The following YAP1 variants were observed in gnomAD, a reference collection of about 807,000 sequenced individuals.
YAP1 encodes Yes1 associated transcriptional regulator, also known as transcriptional coactivator YAP1.
In YAP1, 5 loss-of-function variants were observed where a neutral mutation model predicts 56.9. The observed-to-expected ratio is 0.09, with a 90% confidence interval of 0.05 to 0.18. The LOEUF (loss-of-function observed/expected upper bound fraction) is 0.18. Ranked by LOEUF, YAP1 falls within the 10% of genes least tolerant of loss-of-function variation. The probability of loss-of-function intolerance (pLI) is 1.00; values close to 1 mark genes in which losing one functional copy is unlikely to be tolerated. For synonymous variants in YAP1, 265 were observed against 248.1 expected, an observed-to-expected ratio of 1.07 and a Z score of -0.64; for missense variants, 539 against 651.8, an observed-to-expected ratio of 0.83 and a Z score of 1.88.
chr11:102,132,723 A>G (rs1025140694), intron 2 of YAP1, among the ~76,000 whole-genome samples: 7 of 152,248 alleles, frequency 4.6e-5, no homozygotes, highest in Non-Finnish European at 7.3e-5. Flanking sequence ...TTGTTTACCA[A>G]TAAATTTATT....
At chr11:102,132,991 C>T (rs1235581985) in intron 2 of YAP1, among the ~76,000 whole-genome samples, 1 of 151,974 alleles carries the variant, frequency 6.6e-6, no homozygotes, top group Non-Finnish European at 1.5e-5. Context: ...AACCCCGTCT[C>T]TACTAAAAAT....
chr11:102,222,219 A>G (rs1267443681), intron 6 of YAP1, among the ~76,000 whole-genome samples: 2 of 152,174 alleles, frequency 1.3e-5, no homozygotes, highest in African/African-American at 4.8e-5. Context: ...TGGCTCAGAA[A>G]GCTGTGTGGA....
chr11:102,223,253 CAAAAAAA>C (rs1013718662), intron 6 of YAP1, among the ~76,000 whole-genome samples: 8 of 52,418 alleles, frequency 1.5e-4, no homozygotes, highest in African/African-American at 5.3e-4. Flanking sequence ...TCTTGAAGAA[CAAAAAAA>C]AAAAAAAAAA....
chr11:102,146,777 T>G (rs1945345240), intron 2 of YAP1, among the ~76,000 whole-genome samples: 2 of 152,220 alleles, frequency 1.3e-5, no homozygotes, highest in South Asian at 4.1e-4. Flanking sequence ...AGAATTGAGA[T>G]TCTGTGCTTG....
At chr11:102,124,331 T>C (rs144778691) in intron 2 of YAP1, among the ~76,000 whole-genome samples, 141 of 152,284 alleles carry the variant, frequency 9.3e-4, no homozygotes, top group African/African-American at 3.2e-3. Flanking sequence ...TTCTTTATAT[T>C]GGGGGTCTGA....
chr11:102,114,482 A>G, intron 2 of YAP1, 88 bp downstream of exon 2: 1 of 1,420,536 alleles, frequency 7.0e-7, no homozygotes, highest in Non-Finnish European at 9.4e-7. Flanking sequence ...ACAGAATATC[A>G]TTTATTTTTA....
intron 3 of YAP1, among the ~76,000 whole-genome samples, chr11:102,178,830 C>T (rs1312322310): frequency 6.6e-6 from 1 of 152,146 alleles, no homozygotes; most frequent in Non-Finnish European, 1.5e-5. Flanking sequence ...GTTCTGCAGG[C>T]TGTACAGGAA....
At chr11:102,142,005 C>CTA (rs1014726266) in intron 2 of YAP1, among the ~76,000 whole-genome samples, 21 of 152,110 alleles carry the variant, frequency 1.4e-4, no homozygotes, top group African/African-American at 4.3e-4. Context: ...ATTCTCAAGT[C>CTA]TATATATATT....
intron 2 of YAP1, among the ~76,000 whole-genome samples, chr11:102,123,647 T>TTTTTTC (rs1943831031): frequency 5.6e-5 from 7 of 125,330 alleles, no homozygotes; most frequent in East Asian, 4.5e-4. Context: ...TTTTTTTTTC[T>TTTTTTC]TTTTTTTTTC....
At chr11:102,187,384 G>T (rs1948026837) in intron 4 of YAP1, among the ~76,000 whole-genome samples, 1 of 152,042 alleles carries the variant, frequency 6.6e-6, no homozygotes, top group African/African-American at 2.4e-5. Flanking sequence ...AAAGTAATGA[G>T]GTATGTTAAT....
intron 5 of YAP1, 136 bp from the exon 6 acceptor site, chr11:102,209,381 G>C: frequency 1.3e-6 from 1 of 769,784 alleles, no homozygotes; most frequent in Non-Finnish European, 2.1e-6. Flanking sequence ...TCCTGTCTTC[G>C]TCAGTCTGCT....
intron 2 of YAP1, among the ~76,000 whole-genome samples, chr11:102,133,949 C>T (rs1235705478): frequency 6.6e-6 from 1 of 152,154 alleles, no homozygotes; most frequent in African/African-American, 2.4e-5. Context: ...TTTGTACATA[C>T]AGTAAGAAAA....
chr11:102,111,091 C>T lies in YAP1; in HGVS notation c.243C>T (p.Pro81=), dbSNP rs1942868953. The T allele has an allele frequency of 1.2e-6, 2 of 1,613,360 alleles. No homozygotes were observed. Among genetic ancestry groups the T allele is most frequent in the Non-Finnish European group, 1.7e-6 (2 of 1,179,876 alleles). ...TGAACCCCAAGACGGCCAACGTGCCCCAGACCGTGCCCATGAGGCTCCGGA... is the reference window on the plus strand; with the variant it reads ...TGAACCCCAAGACGGCCAACGTGCCTCAGACCGTGCCCATGAGGCTCCGGA... ...AVMNPKTANV[P]QTVPMRLRKL... The change falls in exon 1 of 9, where the codon CCC becomes CCT. Residue 81 remains proline, a synonymous_variant. Transcript: ENST00000282441.
intron 3 of YAP1, among the ~76,000 whole-genome samples, chr11:102,167,387 T>C (rs1308604112): frequency 1.3e-5 from 2 of 152,206 alleles, no homozygotes; most frequent in Non-Finnish European, 1.5e-5. Context: ...TGTATAAATA[T>C]ATGTATAAAT....
chr11:102,175,121 C>G (rs1022969862), intron 3 of YAP1, among the ~76,000 whole-genome samples: 1 of 152,144 alleles, frequency 6.6e-6, no homozygotes, highest in Non-Finnish European at 1.5e-5. Context: ...TTGCCCAAAG[C>G]TTATTTTCAT....
chr11:102,146,518 CT>C (rs1345957489), intron 2 of YAP1, among the ~76,000 whole-genome samples: 2 of 152,186 alleles, frequency 1.3e-5, no homozygotes, highest in Admixed American at 1.3e-4. Flanking sequence ...CTCATTTTTA[CT>C]TTATCGTTTA....
intron 8 of YAP1, among the ~76,000 whole-genome samples, 180 bp downstream of exon 8, chr11:102,227,761 G>A (rs1950263126): frequency 6.6e-6 from 1 of 152,062 alleles, no homozygotes; most frequent in African/African-American, 2.4e-5. Context: ...TCTTTTCCTA[G>A]TTTAAAAAAA....
intron 2 of YAP1, among the ~76,000 whole-genome samples, chr11:102,124,314 T>A (rs987428095): frequency 6.6e-6 from 1 of 152,200 alleles, no homozygotes; most frequent in South Asian, 2.1e-4. Flanking sequence ...GGGATTTTAG[T>A]ATTTTGTTCT....
intron 1 of YAP1, among the ~76,000 whole-genome samples, chr11:102,113,185 T>C (rs1259576110): frequency 1.3e-5 from 2 of 152,224 alleles, no homozygotes; most frequent in Non-Finnish European, 2.9e-5. Flanking sequence ...AACTTTTTGA[T>C]AATCAAACTC....
Sources: allele counts gnomAD v4.1 joint callset (sites outside exome capture counted in the v4.1 genomes callset), GRCh38; gene constraint gnomAD v4.1.1; transcripts MANE v1.5; gene names NCBI Gene and HGNC (gene_info 2026-07-23, HGNC 2026-07-21).